ATP11B: variants seen among roughly 807,000 people sequenced by gnomAD.
ATP11B encodes the protein ATPase phospholipid transporting 11B (putative), also known as phospholipid-transporting ATPase IF.
A neutral mutation model predicts 157.8 loss-of-function variants in ATP11B; 81 were observed. The observed-to-expected ratio is 0.51, with a 90% CI of 0.43 to 0.62. ATP11B has a LOEUF of 0.62. ATP11B is among the 20% of genes least tolerant of loss of function. ATP11B has a pLI of 0.00. For missense variants in ATP11B, 1,165 were observed against 1,402.2 expected (o/e 0.83, Z 2.70); for synonymous variants, 451 against 469.4 (o/e 0.96, Z 0.51).
chr3:182,879,634 A>G lies in ATP11B; in HGVS notation c.2391A>G (p.Pro797=). 1 of 1,611,520 alleles carries G rather than the reference A, an allele frequency of 6.2e-7. No homozygotes were observed. The highest frequency in any genetic ancestry group is 1.3e-5 in the African/African-American group (1 of 74,916). Residue 797 remains proline (P), a synonymous_variant, in exon 20 of 30, where the codon CCA becomes CCG. Coordinates refer to ENST00000323116, the MANE Select transcript of ATP11B (RefSeq NM_014616.3). ...CTGTATTATGCTGTCGTATGGCTCC[A>G]CTGCAGAAAGCAAAAGTATGTATAT... is the stretch of plus-strand genomic sequence containing the variant. The part of the protein sequence containing the change: ...CSAVLCCRMA[P]LQKAKVIRLI...
At chr3:182,881,478 G>A (rs1303169976) in intron 21 of ATP11B, among the ~76,000 whole-genome samples, 1 of 151,260 alleles carries the variant, frequency 6.6e-6, no homozygotes, top group African/African-American at 2.4e-5. Flanking sequence ...GGAGACAGAG[G>A]TTGCAGTGAG....
intron 1 of ATP11B, among the ~76,000 whole-genome samples, chr3:182,818,498 G>A (rs1199630128): frequency 1.3e-5 from 2 of 152,050 alleles, no homozygotes; most frequent in Non-Finnish European, 2.9e-5. Context: ...GCAAAAGCAG[G>A]GTAGAAAAAT....
At chr3:182,854,837 A>T (rs1000068988) in intron 10 of ATP11B, among the ~76,000 whole-genome samples, 65 of 151,766 alleles carry the variant, frequency 4.3e-4, no homozygotes, top group Admixed American at 5.9e-4. Context: ...GAAGCTAATT[A>T]AAAAAAATGG....
At chr3:182,858,504 T>A (rs777621230) in intron 11 of ATP11B, among the ~76,000 whole-genome samples, 1 of 152,310 alleles carries the variant, frequency 6.6e-6, no homozygotes, top group East Asian at 1.9e-4. Context: ...ACCTATAATT[T>A]TGGTAAATAA....
chr3:182,839,663 G>A (rs570123131), intron 7 of ATP11B, among the ~76,000 whole-genome samples: 1 of 146,500 alleles, frequency 6.8e-6, no homozygotes, highest in South Asian at 2.1e-4. Flanking sequence ...AGGCTGGAGT[G>A]CAGTGACGCG....
At chr3:182,880,401 T>C (rs1722337878) in intron 20 of ATP11B, among the ~76,000 whole-genome samples, 1 of 152,192 alleles carries the variant, frequency 6.6e-6, no homozygotes, top group Non-Finnish European at 1.5e-5. Context: ...CCAGGTTCTT[T>C]ATAAAAGTAC....
At chr3:182,837,217 C>T (rs1347985943) in intron 7 of ATP11B, 43 bp downstream of exon 7, 2 of 1,337,262 alleles carry the variant, frequency 1.5e-6, no homozygotes, top group African/African-American at 1.5e-5. Context: ...GTCCTATTTA[C>T]AGACCTCATT....
chr3:182,816,596 TAAA>T (rs1027596854), intron 1 of ATP11B, among the ~76,000 whole-genome samples: 3 of 152,242 alleles, frequency 2.0e-5, no homozygotes, highest in Admixed American at 2.0e-4. Flanking sequence ...TGACTCCTGT[TAAA>T]GAAGATAAAG....
At chr3:182,847,702 T>G (rs901089440) in intron 9 of ATP11B, among the ~76,000 whole-genome samples, 3 of 152,184 alleles carry the variant, frequency 2.0e-5, no homozygotes, top group African/African-American at 4.8e-5. Context: ...TTTAGGCATT[T>G]TGTTAATTTG....
chr3:182,891,531 T>C (rs1336301220), intron 25 of ATP11B, among the ~76,000 whole-genome samples: 2 of 152,188 alleles, frequency 1.3e-5, no homozygotes, highest in African/African-American at 4.8e-5. Flanking sequence ...TAAAAATGCT[T>C]CAAGAACATT....
intron 17 of ATP11B, 61 bp from the exon 18 acceptor site, chr3:182,872,295 T>C: frequency 7.9e-7 from 1 of 1,262,588 alleles, no homozygotes; most frequent in Non-Finnish European, 1.1e-6. Context: ...AGTGACTTCT[T>C]GATTTTCTGT....
At chr3:182,830,340 T>C (rs948015444) in intron 4 of ATP11B, among the ~76,000 whole-genome samples, 1 of 148,428 alleles carries the variant, frequency 6.7e-6, no homozygotes, top group Non-Finnish European at 1.5e-5. Flanking sequence ...AAAAAAAAAA[T>C]GTATAGTCCT....
chr3:182,813,687 A>G (rs945429347), intron 1 of ATP11B, among the ~76,000 whole-genome samples: 1 of 152,326 alleles, frequency 6.6e-6, no homozygotes, highest in Middle Eastern at 3.4e-3. Context: ...AAATAACATA[A>G]AAGTTAAATT....
chr3:182,867,243 T>G, intron 14 of ATP11B, 133 bp from the exon 15 acceptor site: 1 of 653,292 alleles, frequency 1.5e-6, no homozygotes, highest in South Asian at 2.0e-5. Flanking sequence ...AGTTGTAATA[T>G]TAAAAGGAAA....
chr3:182,860,400 G>C (rs1336475246), intron 12 of ATP11B, among the ~76,000 whole-genome samples: 2 of 152,088 alleles, frequency 1.3e-5, no homozygotes, highest in East Asian at 1.9e-4. Flanking sequence ...ATGATCTGTT[G>C]TTTTATCTCT....
intron 19 of ATP11B, 99 bp downstream of exon 19, chr3:182,874,114 A>G: frequency 1.0e-6 from 1 of 981,462 alleles, no homozygotes; most frequent in Non-Finnish European, 1.5e-6. Context: ...TGTTTTTTAC[A>G]GCCTATCAGC....
chr3:182,911,579 AG>A (rs1185021317), intron 28 of ATP11B, among the ~76,000 whole-genome samples: 1 of 152,086 alleles, frequency 6.6e-6, no homozygotes, highest in African/African-American at 2.4e-5. Flanking sequence ...TTAAGTTTTC[AG>A]TGAGACAATC....
intron 1 of ATP11B, among the ~76,000 whole-genome samples, chr3:182,799,599 A>T (rs1715855269): frequency 6.6e-6 from 1 of 152,064 alleles, no homozygotes; most frequent in South Asian, 2.1e-4. Context: ...TCTAAGCAAG[A>T]TAATATTCAT....
At chr3:182,897,513 C>A in intron 27 of ATP11B, 107 bp downstream of exon 27, 1 of 764,178 alleles carries the variant, frequency 1.3e-6, no homozygotes, top group Non-Finnish European at 2.0e-6. Context: ...TTTCAGACTC[C>A]TGGTAAGTTT....
Sources: allele counts gnomAD v4.1 joint callset (sites outside exome capture counted in the v4.1 genomes callset), GRCh38; gene constraint gnomAD v4.1.1; transcripts MANE v1.5; gene names NCBI Gene and HGNC (gene_info 2026-07-23, HGNC 2026-07-21).